The following CSMD1 variants were observed in gnomAD, a reference collection of about 807,000 sequenced individuals.
CSMD1 encodes CUB and sushi domain-containing protein 1.
Under a neutral mutation model 417.5 loss-of-function variants are expected in CSMD1, and 213 were observed. The observed-to-expected ratio is 0.51, with a 90% CI of 0.46 to 0.57. The LOEUF (loss-of-function observed/expected upper bound fraction) is 0.57. Among genes scored for constraint, CSMD1 ranks in the 20% least tolerant of loss-of-function variants. The pLI, the probability that CSMD1 is intolerant of heterozygous loss-of-function variation, is 0.00. For synonymous variants in CSMD1, 2,862 were observed against 1,736.8 expected (o/e 1.65, Z -16.11); for missense variants, 6,923 against 4,529.7 (o/e 1.53, Z -15.17).
chr8:3,244,884 T>G (rs1360537647), intron 26 of CSMD1, among the ~76,000 whole-genome samples: 3 of 152,108 alleles, frequency 2.0e-5, no homozygotes, highest in South Asian at 4.1e-4. Flanking sequence ...GACCTGACTC[T>G]CAGCCCAGTC....
chr8:3,593,493 C>A (rs553940034), intron 8 of CSMD1, among the ~76,000 whole-genome samples: 21 of 152,314 alleles, frequency 1.4e-4, no homozygotes, highest in African/African-American at 5.1e-4. Context: ...TGCCTGCTCT[C>A]ACTAAGGCCA....
intron 1 of CSMD1, among the ~76,000 whole-genome samples, chr8:4,777,220 T>C (rs11136770): frequency 6.6e-6 from 1 of 152,074 alleles, no homozygotes; most frequent in Non-Finnish European, 1.5e-5. Context: ...AGCTAAACCA[T>C]GCTGAGAAGC....
intron 3 of CSMD1, among the ~76,000 whole-genome samples, chr8:4,041,221 G>C (rs1281171983): frequency 6.6e-6 from 1 of 151,972 alleles, no homozygotes; most frequent in Non-Finnish European, 1.5e-5. Context: ...GTTTCACCGT[G>C]TTAGCCAGGA....
chr8:3,223,355 G>C (rs1158308829), intron 28 of CSMD1, among the ~76,000 whole-genome samples: 1 of 152,116 alleles, frequency 6.6e-6, no homozygotes, highest in Non-Finnish European at 1.5e-5. Context: ...GTCAGGATGT[G>C]CTGTGGAAAG....
chr8:3,902,693 A>G (rs370851946), intron 5 of CSMD1, among the ~76,000 whole-genome samples: 4 of 152,224 alleles, frequency 2.6e-5, no homozygotes, highest in East Asian at 1.9e-4. Context: ...GGTTCTTAAC[A>G]GGCTGTGGAC....
chr8:4,508,528 T>C (rs1802651510), intron 2 of CSMD1, among the ~76,000 whole-genome samples: 1 of 152,160 alleles, frequency 6.6e-6, no homozygotes, highest in Admixed American at 6.5e-5. Context: ...ACGTTATAAA[T>C]TTGCAAGATG....
At chr8:3,467,516 A>G (rs148563529) in intron 12 of CSMD1, among the ~76,000 whole-genome samples, 1 of 152,240 alleles carries the variant, frequency 6.6e-6, no homozygotes, top group Non-Finnish European at 1.5e-5. Context: ...AGTTTTAGTC[A>G]TTGAAAGGGA....
At chr8:3,342,891 A>ATGTGTGTG (rs757003156) in intron 23 of CSMD1, among the ~76,000 whole-genome samples, 9,959 of 72,208 alleles carry the variant, frequency 0.14, 347 homozygotes, top group Middle Eastern at 0.22. Context: ...GTATAAATAT[A>ATGTGTGTG]TGTGTGTATG....
intron 3 of CSMD1, among the ~76,000 whole-genome samples, chr8:4,377,977 T>C (rs199840452): frequency 6.6e-6 from 1 of 152,214 alleles, no homozygotes; most frequent in Non-Finnish European, 1.5e-5. Flanking sequence ...AGAATTGTAG[T>C]GCTGTCAACA....
intron 7 of CSMD1, among the ~76,000 whole-genome samples, chr8:3,671,023 GATAT>G (rs143306623): frequency 9.8e-6 from 1 of 102,466 alleles, no homozygotes; most frequent in Non-Finnish European, 2.0e-5. Flanking sequence ...ATGTATATGG[GATAT>G]ATGCATATGG....
At chr8:4,802,684 G>A (rs1440207889) in intron 1 of CSMD1, among the ~76,000 whole-genome samples, 1 of 152,054 alleles carries the variant, frequency 6.6e-6, no homozygotes, top group African/African-American at 2.4e-5. Flanking sequence ...CATTAATACT[G>A]TGAAAGGCTT....
At chr8:4,248,774 G>C (rs10429352) in intron 3 of CSMD1, among the ~76,000 whole-genome samples, 1 of 152,002 alleles carries the variant, frequency 6.6e-6, no homozygotes, top group African/African-American at 2.4e-5. Flanking sequence ...ATGGTTTACT[G>C]TCAGTTTTCC....
intron 2 of CSMD1, among the ~76,000 whole-genome samples, chr8:4,582,508 A>G (rs766644953): frequency 6.6e-6 from 1 of 152,210 alleles, no homozygotes; most frequent in Non-Finnish European, 1.5e-5. Context: ...AAATGGAGAA[A>G]CTAAGTCCTG....
intron 3 of CSMD1, among the ~76,000 whole-genome samples, chr8:4,355,180 T>C (rs909868569): frequency 6.6e-6 from 1 of 151,868 alleles, no homozygotes; most frequent in South Asian, 2.1e-4. Flanking sequence ...GAGAATGGCG[T>C]GAACCTGGGA....
At chr8:3,110,129 A>T (rs1816409221) in intron 43 of CSMD1, 29 bp downstream of exon 43, 6 of 1,561,726 alleles carry the variant, frequency 3.8e-6, no homozygotes, top group Non-Finnish European at 5.2e-6. Context: ...TCACAATTAC[A>T]GATATTTTGA....
At chr8:4,244,913 A>T (rs184136354) in intron 3 of CSMD1, among the ~76,000 whole-genome samples, 1 of 152,340 alleles carries the variant, frequency 6.6e-6, no homozygotes, top group African/African-American at 2.4e-5. Flanking sequence ...ACAACATTTA[A>T]ATCTTCCAAT....
intron 3 of CSMD1, among the ~76,000 whole-genome samples, chr8:4,316,113 A>G (rs954487222): frequency 1.3e-5 from 2 of 152,172 alleles, no homozygotes; most frequent in African/African-American, 4.8e-5. Flanking sequence ...CATTATTGTT[A>G]ACCCTCTTAA....
intron 8 of CSMD1, among the ~76,000 whole-genome samples, chr8:3,603,031 T>G (rs914326410): frequency 6.6e-6 from 1 of 152,188 alleles, no homozygotes; most frequent in Non-Finnish European, 1.5e-5. Context: ...CAGCCCTATT[T>G]GGTGAATTGC....
At chr8:3,802,096 C>A (rs1183245429) in intron 5 of CSMD1, among the ~76,000 whole-genome samples, 1 of 152,038 alleles carries the variant, frequency 6.6e-6, no homozygotes, top group Admixed American at 6.6e-5. Context: ...TAAATTTTAT[C>A]TTAATAACAT....
Sources: allele counts gnomAD v4.1 joint callset (sites outside exome capture counted in the v4.1 genomes callset), GRCh38; gene constraint gnomAD v4.1.1; transcripts MANE v1.5; gene names NCBI Gene and HGNC (gene_info 2026-07-23, HGNC 2026-07-21).